PLTP: variants seen among roughly 807,000 people sequenced by gnomAD.
The protein encoded by PLTP is phospholipid transfer protein.
Under a neutral mutation model 54.1 loss-of-function variants are expected in PLTP, and 43 were observed. The ratio of observed to expected loss-of-function variants is 0.79; its 90% CI spans 0.62 to 1.02. The LOEUF (loss-of-function observed/expected upper bound fraction) is 1.02, where lower values mean the gene tolerates loss of function less well. Ranked by LOEUF, PLTP falls within the 50% of genes least tolerant of loss-of-function variation. PLTP has a pLI of 0.00. For missense variants in PLTP, 604 were observed against 645.9 expected, an observed-to-expected ratio of 0.94 and a Z score of 0.70; for synonymous variants, 263 against 264.6, an observed-to-expected ratio of 0.99 and a Z score of 0.06.
intron 1 of PLTP, chr20:45,911,810 T>C: frequency 2.6e-6 from 1 of 383,546 alleles, no homozygotes; most frequent in Non-Finnish European, 4.9e-6. Flanking sequence ...GCTTGCACGT[T>C]GCCACGGCAA....
rs144016582 is a variant in PLTP, at chr20:45,909,538, C to G, written c.463G>C (p.Ala155Pro). ...TACTTGAAGGTTCCCCCGAAGGCCG[C>G]GTGCATTCTGGAGACAGAGGCCTGG... Reference protein sequence around the residue: ...SCQASVSRMHAAFGGTFKKVY... With the variant: ...SCQASVSRMHPAFGGTFKKVY... Residue 155 changes from alanine to proline, a missense_variant, in exon 5 of 16, where the codon GCG becomes CCG. Ala to Pro is a conservative substitution (Grantham distance 27). Transcript: ENST00000372431. 4 of 1,614,170 alleles carry G rather than the reference C, an allele frequency of 2.5e-6. No homozygotes were observed. The highest frequency in any genetic ancestry group is 3.4e-6 in the Non-Finnish European group (4 of 1,180,034).
At chr20:45,904,913 G>A (rs2083224779) in intron 9 of PLTP, 29 bp downstream of exon 9, 3 of 1,613,994 alleles carry the variant, frequency 1.9e-6, no homozygotes, top group Non-Finnish European at 2.5e-6. Flanking sequence ...ACCTTCTCTT[G>A]CCCATCCCAC....
chr20:45,911,158 ATGT>A lies in PLTP; in HGVS notation c.191_193del (p.Asn64del), dbSNP rs761925325. ...GGCCCCGCCCCCCACTTACTCAGAG[ATGT>A]TGTAGTAGAAGTGGCCTTCTTTGCC... On this transcript the variant is annotated inframe_deletion, in exon 3 of 16. Transcript: ENST00000372431. 1.6e-5 allele frequency: 26 copies of A among 1,608,840 alleles called. No homozygotes were observed. Among genetic ancestry groups the A allele is most frequent in the Admixed American group, 1.3e-4 (8 of 59,954 alleles).
chr20:45,907,666 C>T, intron 7 of PLTP, 26 bp downstream of exon 7: 2 of 1,610,102 alleles, frequency 1.2e-6, no homozygotes, highest in Non-Finnish European at 1.7e-6. Flanking sequence ...CAGCTGCACA[C>T]CCAGACTCAC....
chr20:45,902,124 C>A, intron 12 of PLTP, 143 bp downstream of exon 12: 1 of 875,836 alleles, frequency 1.1e-6, no homozygotes, highest in Non-Finnish European at 1.8e-6. Context: ...CAGACTTTAC[C>A]AAAGCACTTT....
rs1257028864 is a variant in PLTP, at chr20:45,902,274, G to A, written c.1168C>T (p.Leu390=). 1.2e-6 allele frequency: 2 copies of A among 1,613,828 alleles called. No homozygotes were observed. The highest frequency in any genetic ancestry group is 1.3e-5 in the African/African-American group (1 of 74,944). Residue 390 remains leucine (L), a synonymous_variant, in exon 12 of 16, where the codon CTG becomes TTG. Transcript: ENST00000372431. ...RGKALRTQLD[L]RRFRIYSNHS... is the part of the protein sequence containing the mutation. ...GGAAGTGCGCCTGCCTACCTGCGCA[G>A]GTCCAGCTGCGTGCGCAGGGCCTTC...
chr20:45,902,164 T>A lies in PLTP; in HGVS notation c.1175+103A>T. 3.3e-6 allele frequency: 4 copies of A among 1,228,234 alleles called. No homozygotes were observed. The African/African-American group carries it at 6.0e-5, about 18-fold the overall frequency. The allele number at this position is 1,228,234 out of a possible 1,614,324, so 76.1% of individuals were successfully genotyped here. A position where few individuals can be genotyped will look rare whatever the true frequency, so the allele number is the denominator to read the frequency against. On this transcript the variant is annotated intron_variant, in intron 12 of 15. Coordinates refer to ENST00000372431, the MANE Select transcript of PLTP (RefSeq NM_006227.4). Reference sequence around the variant, plus strand: ...TGCATTAACAAAGACAGACCCCAGCTCTCAGTGGCTTACAGGTATCACTGT... The same window carrying A: ...TGCATTAACAAAGACAGACCCCAGCACTCAGTGGCTTACAGGTATCACTGT...
chr20:45,905,203 G>A (rs749194134), intron 8 of PLTP, 85 bp from the exon 9 acceptor site: 1 of 1,198,740 alleles, frequency 8.3e-7, no homozygotes, highest in Non-Finnish European at 1.2e-6. Flanking sequence ...CCCCGTGCTA[G>A]GCACTGTGGG....
chr20:45,903,529 C>A (rs1401552149), intron 10 of PLTP, among the ~76,000 whole-genome samples: 3 of 152,096 alleles, frequency 2.0e-5, no homozygotes, highest in Non-Finnish European at 4.4e-5. Context: ...CGTGCCTGGC[C>A]ATATCTTCTT....
chr20:45,898,904 G>T lies in PLTP; in HGVS notation c.*37C>A. On this transcript the variant is annotated 3_prime_UTR_variant, in exon 16 of 16. Coordinates refer to ENST00000372431, the MANE Select transcript of PLTP (RefSeq NM_006227.4). The surrounding 1 kb of genome is among the most constrained non-coding windows in gnomAD (Gnocchi z 4.6). ...AAAAGAGGGGCTGAGAGGGGTTGGGGTCCTGAATGACAGCTGCCAGCTTGG... is the reference window on the plus strand; with the variant it reads ...AAAAGAGGGGCTGAGAGGGGTTGGGTTCCTGAATGACAGCTGCCAGCTTGG... The T allele has an allele frequency of 1.2e-6, 2 of 1,610,234 alleles. No individual in the cohort carries two copies. Among genetic ancestry groups the T allele is most frequent in the Non-Finnish European group, 1.7e-6 (2 of 1,177,518 alleles).
intron 10 of PLTP, among the ~76,000 whole-genome samples, chr20:45,903,493 G>C (rs1252185252): frequency 3.3e-5 from 5 of 152,162 alleles, no homozygotes; most frequent in Non-Finnish European, 7.4e-5. Flanking sequence ...GCCTCCCACA[G>C]TGTTGGGATT....
In PLTP at chr20:45,902,605, C is replaced by T; in HGVS notation, c.943-1G>A. 6.2e-7 allele frequency: 1 copy of T among 1,602,978 alleles called. No homozygotes were observed. Among genetic ancestry groups the T allele is most frequent in the Non-Finnish European group, 8.5e-7 (1 of 1,173,814 alleles). On this transcript the variant is annotated splice_acceptor_variant, in intron 10 of 15. Transcript: ENST00000372431. LOFTEE classifies it high-confidence loss of function. ...ATGGGGAGTCAATCACTGCTGGGCT[C>T]TGGGGGATGAGCAGCAGGGGCGGGT...
Position 45,911,344 on chromosome 20 carries a change from G to A in PLTP, c.100+9C>T. 1.2e-6 allele frequency: 2 copies of A among 1,613,468 alleles called. No individual in the cohort carries two copies. The highest frequency in any genetic ancestry group is 1.7e-6 in the Non-Finnish European group (2 of 1,180,000). On this transcript the variant is annotated intron_variant, in intron 2 of 15. Transcript: ENST00000372431. ...CTCCCGTCCGTCCCTGTCTGCCCCT[G>A]CGCCTTACCCAGCTCCAGCGCCTTG...
At position 45,911,107 on chromosome 20, in the gene PLTP, C is replaced by A. The variant is rs779491198; in HGVS notation, c.200+45G>T. On this transcript the variant is annotated intron_variant, in intron 3 of 15. Coordinates refer to ENST00000372431, the MANE Select transcript of PLTP (RefSeq NM_006227.4). ...GAGATTTCTCGGGCCCCGCCTCCAC[C>A]GCCGAGGCCCCGCCCCGGATCGCGA... is the stretch of plus-strand genomic sequence containing the variant. 3.1e-6 allele frequency: 5 copies of A among 1,610,090 alleles called. No homozygotes were observed. In the Admixed American group the frequency reaches 8.3e-5, roughly 27 times the overall value.
intron 3 of PLTP, 25 bp downstream of exon 3, chr20:45,911,127 T>C (rs776922234): frequency 5.0e-6 from 8 of 1,609,584 alleles, no homozygotes; most frequent in African/African-American, 4.0e-5. Context: ...CCGCCCCGGA[T>C]CGCGAGGCCC....
chr20:45,910,229 G>T (rs1035416121), intron 3 of PLTP, among the ~76,000 whole-genome samples, 159 bp from the exon 4 acceptor site: 6 of 152,168 alleles, frequency 3.9e-5, no homozygotes, highest in Non-Finnish European at 8.8e-5. Flanking sequence ...TTAGACTTGG[G>T]TGGCTCAAAG....
chr20:45,907,886 G>C lies in PLTP; in HGVS notation c.504C>G (p.Leu168=). The change falls in exon 6 of 16, where the codon CTC becomes CTG. Residue 168 remains leucine (L), a synonymous_variant. Transcript: ENST00000372431. The part of the protein sequence containing the change: ...GGTFKKVYDF[L]STFITSGMRF... ...GCATCCCTGAGGTGATGAACGTGGA[G>C]AGAAAATCATACACCTTCCTGTGAG... The C allele has an allele frequency of 6.3e-7, 1 of 1,585,394 alleles. No homozygotes were observed. Among genetic ancestry groups the C allele is most frequent in the Non-Finnish European group, 8.6e-7 (1 of 1,166,270 alleles).
chr20:45,911,157 G>T lies in PLTP; in HGVS notation c.195C>A (p.Ile65=). Residue 65 remains isoleucine, a synonymous_variant, in exon 3 of 16, where the codon ATC becomes ATA. Transcript: ENST00000372431. ...RGKEGHFYYN[I]SEVKVTELQL... ...AGGCCCCGCCCCCCACTTACTCAGA[G>T]ATGTTGTAGTAGAAGTGGCCTTCTT... 1.9e-6 allele frequency: 3 copies of T among 1,613,422 alleles called. No homozygotes were observed. Among genetic ancestry groups the T allele is most frequent in the Non-Finnish European group, 2.5e-6 (3 of 1,179,372 alleles).
chr20:45,902,385 C>T (rs1049695082), intron 11 of PLTP, 51 bp from the exon 12 acceptor site: 1 of 1,613,974 alleles, frequency 6.2e-7, no homozygotes, highest in African/African-American at 1.3e-5. Context: ...GTCAGTAACC[C>T]ACAGCCCATT....
Sources: gnomAD v4.1 joint callset for allele counts (sites outside exome capture counted in the v4.1 genomes callset) on GRCh38, gnomAD v4.1.1 for gene constraint, Gnocchi (gnomAD v3.1) non-coding constraint, MANE v1.5 for transcripts, NCBI Gene and HGNC (gene_info 2026-07-23, HGNC 2026-07-21) for gene names.